Variants in NRG1 observed in about 807,000 individuals in gnomAD.
The protein encoded by NRG1 is neuregulin 1, also known as pro-neuregulin-1, membrane-bound isoform.
A neutral mutation model predicts 63.8 loss-of-function variants in NRG1; 18 were observed. That is an observed-to-expected ratio of 0.28 (90% CI 0.19 to 0.42). The LOEUF is 0.42. Among genes scored for constraint, NRG1 ranks in the 10% least tolerant of loss-of-function variants. The pLI is 1.00. For synonymous variants in NRG1, 302 were observed against 301.3 expected (o/e 1.00, Z -0.02); for missense variants, 762 against 814.7 (o/e 0.94, Z 0.79).
intron 1 of NRG1, among the ~76,000 whole-genome samples, chr8:31,971,317 G>A (rs561301655): frequency 6.6e-6 from 1 of 152,018 alleles, no homozygotes; most frequent in Non-Finnish European, 1.5e-5. Flanking sequence ...AGTCAATTTT[G>A]CTTTTGCTGT....
chr8:31,963,018 G>A (rs1006873964), intron 1 of NRG1, among the ~76,000 whole-genome samples: 11 of 152,318 alleles, frequency 7.2e-5, no homozygotes, highest in South Asian at 2.1e-4. Context: ...AAGTGACTGC[G>A]TGTTCTCATA....
At chr8:31,941,130 T>C (rs1182968454) in intron 1 of NRG1, among the ~76,000 whole-genome samples, 3 of 152,214 alleles carry the variant, frequency 2.0e-5, no homozygotes, top group Admixed American at 6.5e-5. Flanking sequence ...CTGATGAACA[T>C]AGATGCAAAA....
chr8:31,725,845 A>G (rs1355476028), intron 1 of NRG1, among the ~76,000 whole-genome samples: 2 of 152,172 alleles, frequency 1.3e-5, no homozygotes, highest in South Asian at 2.1e-4. Context: ...TTCTTCACAG[A>G]GATGGTTTTG....
chr8:32,075,068 G>T (rs1314565550), intron 1 of NRG1, among the ~76,000 whole-genome samples: 1 of 152,246 alleles, frequency 6.6e-6, no homozygotes, highest in Non-Finnish European at 1.5e-5. Flanking sequence ...TGGGGTTGTT[G>T]TGAGTGGGTC....
chr8:32,541,739 C>A (rs1290440111), intron 1 of NRG1, among the ~76,000 whole-genome samples: 3 of 152,124 alleles, frequency 2.0e-5, no homozygotes, highest in African/African-American at 7.2e-5. Context: ...GAATCTCTCT[C>A]TTGGCTGTAT....
chr8:31,947,231 C>T (rs13439201), intron 1 of NRG1, among the ~76,000 whole-genome samples: 5 of 147,396 alleles, frequency 3.4e-5, no homozygotes, highest in Non-Finnish European at 7.4e-5. Flanking sequence ...ACCCGGGAAG[C>T]GGAGCTTGCA....
rs574352931 is a variant in NRG1, at chr8:31,805,343, G to A, written c.37+165912G>A. ...TTTAGAATAGGAGAAACATTTTAGG[G>A]TAGGATAAACAAGACCGTATCATGA... On this transcript the variant is annotated intron_variant, in intron 1 of 10. Transcript: ENST00000519301. 9.9e-5 allele frequency among the ~76,000 whole-genome samples: 15 copies of A among 151,910 alleles called. 1 individual carries two copies. In the South Asian group the frequency reaches 2.1e-3, roughly 21 times the overall value.
intron 5 of NRG1, among the ~76,000 whole-genome samples, chr8:32,713,285 T>G (rs1010212577): frequency 6.6e-6 from 1 of 152,168 alleles, no homozygotes; most frequent in Non-Finnish European, 1.5e-5. Context: ...GCCAGCCTGT[T>G]GACCCAAGAA....
At chr8:31,984,232 C>A (rs1809651619) in intron 1 of NRG1, among the ~76,000 whole-genome samples, 1 of 151,994 alleles carries the variant, frequency 6.6e-6, no homozygotes, top group Non-Finnish European at 1.5e-5. Flanking sequence ...TCTTCTTGAA[C>A]AATGAGCAAT....
chr8:32,632,891 G>A (rs914245564), intron 5 of NRG1, among the ~76,000 whole-genome samples: 22 of 152,132 alleles, frequency 1.4e-4, no homozygotes, highest in Non-Finnish European at 2.4e-4. Flanking sequence ...GCAGAGCTGG[G>A]TTGTTATCAG....
chr8:32,466,067 C>G (rs1408141696), intron 1 of NRG1, among the ~76,000 whole-genome samples: 2 of 152,050 alleles, frequency 1.3e-5, no homozygotes, highest in Non-Finnish European at 2.9e-5. Flanking sequence ...CTTTGGGAGG[C>G]CGAGATGGGC....
At chr8:31,891,411 A>G (rs1263359262) in intron 1 of NRG1, among the ~76,000 whole-genome samples, 1 of 152,194 alleles carries the variant, frequency 6.6e-6, no homozygotes, top group Non-Finnish European at 1.5e-5. Context: ...AACCATTAAG[A>G]AAATGCAAAT....
intron 1 of NRG1, among the ~76,000 whole-genome samples, chr8:31,920,884 G>GTAGATAGA (rs10532094): frequency 0.026 from 3,785 of 147,168 alleles, 117 homozygotes; most frequent in African/African-American, 0.074. Context: ...AGATAGATAG[G>GTAGATAGA]TAGATAGATA....
At chr8:32,648,592 G>A (rs550800499) in intron 5 of NRG1, among the ~76,000 whole-genome samples, 1 of 152,228 alleles carries the variant, frequency 6.6e-6, no homozygotes, top group Non-Finnish European at 1.5e-5. Flanking sequence ...TGTAACAGCA[G>A]CTCTCTCTAG....
intron 1 of NRG1, among the ~76,000 whole-genome samples, chr8:32,418,615 G>C (rs1037060745): frequency 1.3e-5 from 2 of 151,940 alleles, no homozygotes; most frequent in African/African-American, 2.4e-5. Context: ...AGTTTTAAAT[G>C]TATTAAAATG....
intron 1 of NRG1, among the ~76,000 whole-genome samples, chr8:32,242,816 A>G (rs1473673178): frequency 6.6e-6 from 1 of 152,184 alleles, no homozygotes; most frequent in Non-Finnish European, 1.5e-5. Flanking sequence ...TTTATCATAT[A>G]AGGAAACTAA....
At chr8:32,017,757 T>G (rs1469428003) in intron 1 of NRG1, among the ~76,000 whole-genome samples, 2 of 152,136 alleles carry the variant, frequency 1.3e-5, no homozygotes, top group Non-Finnish European at 2.9e-5. Context: ...ATGTGGAGCT[T>G]CCCTCCTGGG....
chr8:31,886,172 A>G (rs1185810690), intron 1 of NRG1, among the ~76,000 whole-genome samples: 1 of 152,118 alleles, frequency 6.6e-6, no homozygotes, highest in African/African-American at 2.4e-5. Flanking sequence ...TGTTAACATT[A>G]ATATAACATT....
At position 32,742,085 on chromosome 8, in the gene NRG1, A is replaced by T; in HGVS notation, c.633-590A>T. 1.9e-6 allele frequency: 3 copies of T among 1,611,528 alleles called. No individual in the cohort carries two copies. Among genetic ancestry groups the T allele is most frequent in the Non-Finnish European group, 2.5e-6 (3 of 1,177,830 alleles). ...GTCCAAAACCAAGAAAGTATGTCAA[A>T]ATAATCTGAAATTTGCTTTCTCCCC... is the stretch of plus-strand genomic sequence containing the variant. On this transcript the variant is annotated intron_variant, in intron 6 of 11. Coordinates refer to ENST00000356819, the Ensembl canonical transcript of NRG1. The surrounding 1 kb of genome is among the most constrained non-coding windows in gnomAD (Gnocchi z 4.2).
Sources: allele counts gnomAD v4.1 joint callset (sites outside exome capture counted in the v4.1 genomes callset), GRCh38; gene constraint gnomAD v4.1.1; non-coding constraint Gnocchi (gnomAD v3.1); transcripts MANE v1.5; gene names NCBI Gene and HGNC (gene_info 2026-07-23, HGNC 2026-07-21).